The following DPM1 variants were observed in gnomAD, a reference collection of about 807,000 sequenced individuals.
DPM1 encodes the protein dolichyl-phosphate mannosyltransferase subunit 1, catalytic.
DPM1 carries 27 observed loss-of-function variants against 39.0 expected under a neutral mutation model. The observed-to-expected ratio is 0.69, with a 90% CI of 0.51 to 0.95. The LOEUF (loss-of-function observed/expected upper bound fraction) is 0.95. Ranked by LOEUF, DPM1 falls within the 40% of genes least tolerant of loss-of-function variation. DPM1 has a pLI of 0.00. For missense variants in DPM1, 307 were observed against 315.6 expected, an observed-to-expected ratio of 0.97 and a Z score of 0.21; for synonymous variants, 124 against 109.0, an observed-to-expected ratio of 1.14 and a Z score of -0.86.
intron 1 of DPM1, among the ~76,000 whole-genome samples, chr20:50,956,099 A>G (rs930599041): frequency 6.6e-6 from 1 of 152,236 alleles, no homozygotes; most frequent in African/African-American, 2.4e-5. Context: ...AATTTCAAAT[A>G]GTTGTGCCTA....
At chr20:50,956,374 C>G (rs1216847744) in intron 1 of DPM1, among the ~76,000 whole-genome samples, 1 of 151,970 alleles carries the variant, frequency 6.6e-6, no homozygotes, top group Non-Finnish European at 1.5e-5. Flanking sequence ...GAGGCCGAGG[C>G]AGGCGGATCA....
At position 50,945,720 on chromosome 20, in the gene DPM1, TTAGAAATAGTACC is replaced by T; in HGVS notation, c.398+4_398+16del. The T allele has an allele frequency of 6.5e-7, 1 of 1,538,006 alleles. No homozygotes were observed. The highest frequency in any genetic ancestry group is 1.7e-5 in the Admixed American group (1 of 59,808). Reference sequence around the variant, plus strand: ...TTTCCAGTCATATTTCTTTCAAATATTAGAAATAGTACCTACCTAATAAATTCAGGAATAAATT... The same window carrying T: ...TTTCCAGTCATATTTCTTTCAAATATTACCTAATAAATTCAGGAATAAATT... On this transcript the variant is annotated splice_donor_5th_base_variant and intron_variant, in intron 5 of 8. Transcript: ENST00000371588.
upstream of DPM1, chr20:50,958,542 GC>G (rs1360808486): frequency 2.5e-6 from 4 of 1,613,074 alleles, no homozygotes; most frequent in Non-Finnish European, 3.4e-6. Flanking sequence ...TGAGCCAGAT[GC>G]CGGAAGCGGA....
At chr20:50,955,437 C>CA in intron 1 of DPM1, 152 bp from the exon 2 acceptor site, 1 of 659,148 alleles carries the variant, frequency 1.5e-6, no homozygotes, top group Non-Finnish European at 2.7e-6. Context: ...AAATAAATGT[C>CA]AAACATTTAG....
At chr20:50,937,591 C>T (rs896092472) in intron 7 of DPM1, among the ~76,000 whole-genome samples, 2 of 151,842 alleles carry the variant, frequency 1.3e-5, no homozygotes. Context: ...ACTATGTTTC[C>T]ACATTACCTT....
intron 2 of DPM1, among the ~76,000 whole-genome samples, chr20:50,948,891 C>T (rs546381499): frequency 1.3e-5 from 2 of 150,902 alleles, no homozygotes; most frequent in South Asian, 2.1e-4. Flanking sequence ...GATGCAGTCT[C>T]GCTCTGTTGC....
chr20:50,939,147 C>T (rs1985482848), intron 7 of DPM1, among the ~76,000 whole-genome samples: 1 of 152,086 alleles, frequency 6.6e-6, no homozygotes, highest in Non-Finnish European at 1.5e-5. Context: ...TTGTATGGTT[C>T]TGATGCAGCA....
chr20:50,943,409 G>C (rs181701517), intron 5 of DPM1, among the ~76,000 whole-genome samples: 14 of 149,078 alleles, frequency 9.4e-5, no homozygotes, highest in Non-Finnish European at 1.5e-4. Context: ...TGCCAGGGTG[G>C]AGTGCAATGG....
chr20:50,940,952 A>G lies in DPM1; in HGVS notation c.495-19T>C. ...CCCACGGCTGCCAAATAAAACAATC[A>G]GATCTTCTTTACAAAATACAATTTA... On this transcript the variant is annotated intron_variant, in intron 6 of 8. Transcript: ENST00000371588. 1 of 1,612,524 alleles carries G rather than the reference A, an allele frequency of 6.2e-7. No individual in the cohort carries two copies. The highest frequency in any genetic ancestry group is 8.5e-7 in the Non-Finnish European group (1 of 1,178,676).
rs564598562 is a variant in DPM1 at position 50,939,365 on chromosome 20, GTTTT to G, written c.563+1496_563+1499del. 2.0e-3 allele frequency among the ~76,000 whole-genome samples: 298 copies of G among 149,768 alleles called. 2 individuals carry two copies. The highest frequency in any genetic ancestry group is 2.7e-3 in the Non-Finnish European group (180 of 67,306). On this transcript the variant is annotated intron_variant, in intron 7 of 8. Coordinates refer to ENST00000371588, the MANE Select transcript of DPM1 (RefSeq NM_003859.3). ...CACATGGCAATCAGAGATCTTTTTTGTTTTTTTTTGTTTTTTTTTAGACGGAGTC... is the reference window on the plus strand; with the variant it reads ...CACATGGCAATCAGAGATCTTTTTTGTTTTTGTTTTTTTTTAGACGGAGTC...
intron 7 of DPM1, among the ~76,000 whole-genome samples, chr20:50,939,590 A>G (rs1333117678): frequency 1.3e-5 from 2 of 151,460 alleles, no homozygotes; most frequent in Non-Finnish European, 2.9e-5. Flanking sequence ...TAGGCCTCCC[A>G]AAGTGCTGGG....
chr20:50,955,079 T>G, intron 2 of DPM1, 107 bp downstream of exon 2: 1 of 950,222 alleles, frequency 1.1e-6, no homozygotes, highest in South Asian at 1.4e-5. Flanking sequence ...TTGCTCTTTA[T>G]CTTTTCAGTT....
At chr20:50,941,065 T>C (rs954064330) in intron 6 of DPM1, 132 bp from the exon 7 acceptor site, 13 of 1,037,138 alleles carry the variant, frequency 1.3e-5, no homozygotes, top group Admixed American at 2.4e-5. Context: ...ATGTTATTTA[T>C]CTAGAACAAA....
intron 1 of DPM1, among the ~76,000 whole-genome samples, chr20:50,956,474 C>T (rs1470720822): frequency 1.4e-5 from 2 of 147,636 alleles, no homozygotes; most frequent in Non-Finnish European, 3.0e-5. Flanking sequence ...TGCAGTGAGC[C>T]AAGATGGCGC....
At chr20:50,958,202 G>A (rs1412713793) in intron 1 of DPM1, among the ~76,000 whole-genome samples, 161 bp downstream of exon 1, 1 of 152,230 alleles carries the variant, frequency 6.6e-6, no homozygotes, top group Non-Finnish European at 1.5e-5. Context: ...AACCCAACAA[G>A]CATCCGCCTC....
intron 2 of DPM1, among the ~76,000 whole-genome samples, chr20:50,949,393 C>T (rs1017272634): frequency 6.6e-6 from 1 of 152,134 alleles, no homozygotes; most frequent in African/African-American, 2.4e-5. Context: ...TATCACTCTT[C>T]CTCTATTAAC....
At chr20:50,940,822 T>G in intron 7 of DPM1, 43 bp downstream of exon 7, 7 of 1,440,190 alleles carry the variant, frequency 4.9e-6, no homozygotes, top group Non-Finnish European at 6.8e-6. Flanking sequence ...TAAAGAAAGT[T>G]AGCCAAGAAG....
In DPM1 at chr20:50,941,227, A is replaced by AATATATATATATATATATAT. The variant is rs58694792; in HGVS notation, c.495-314_495-295dup. The AATATATATATATATATATAT allele has an allele frequency of 5.5e-3, 335 of 61,110 alleles. 2 individuals carry two copies. The highest frequency in any genetic ancestry group is 7.3e-3 in the Non-Finnish European group (251 of 34,302). The allele number at this position is 61,110 out of a possible 1,614,324, so 3.8% of individuals were successfully genotyped here. The stretch of plus-strand genomic sequence containing the variant: ...CTCCATCACTACAAAAAAAAAAGTG[A>AATATATATATATATATATAT]ATATATATATATATATATATATATA... On this transcript the variant is annotated intron_variant, in intron 6 of 8. Transcript: ENST00000371588.
chr20:50,945,685 A>G lies in DPM1; in HGVS notation c.398+52T>C, dbSNP rs1986239052. On this transcript the variant is annotated intron_variant, in intron 5 of 8. Coordinates refer to ENST00000371588, the MANE Select transcript of DPM1 (RefSeq NM_003859.3). ...AAATGAAAATAAGCCCAAAACCAGT[A>G]AGATAAATGTTTCCAGTCATATTTC... The G allele has an allele frequency of 7.7e-6, 11 of 1,431,018 alleles. No homozygotes were observed. In the South Asian group the frequency reaches 1.3e-4, roughly 17 times the overall value. The allele number at this position is 1,431,018 out of a possible 1,614,324, so 88.6% of individuals were successfully genotyped here.
Sources: gnomAD v4.1 joint callset for allele counts (sites outside exome capture counted in the v4.1 genomes callset) on GRCh38, gnomAD v4.1.1 for gene constraint, MANE v1.5 for transcripts, NCBI Gene and HGNC (gene_info 2026-07-23, HGNC 2026-07-21) for gene names.